The following XDH variants were observed in gnomAD, a reference collection of about 807,000 sequenced individuals.
The protein encoded by XDH is xanthine dehydrogenase/oxidase.
XDH carries 138 observed loss-of-function variants against 156.1 expected under a neutral mutation model. The ratio of observed to expected loss-of-function variants is 0.88; its 90% CI spans 0.77 to 1.02. XDH has a LOEUF of 1.02. XDH is among the 50% of genes least tolerant of loss of function. XDH has a pLI of 0.00. For synonymous variants in XDH, 669 were observed against 625.7 expected (o/e 1.07, Z -1.03); for missense variants, 1,849 against 1,684.9 (o/e 1.10, Z -1.71).
At chr2:31,361,444 T>C (rs1342584927) in intron 24 of XDH, among the ~76,000 whole-genome samples, 2 of 152,250 alleles carry the variant, frequency 1.3e-5, no homozygotes, top group Non-Finnish European at 2.9e-5. Flanking sequence ...ACTGTAACTT[T>C]GAAATCATAA....
intron 6 of XDH, among the ~76,000 whole-genome samples, chr2:31,396,082 G>T (rs560645403): frequency 5.1e-4 from 77 of 152,266 alleles, no homozygotes; most frequent in African/African-American, 1.8e-3. Context: ...AAGTAAAAAG[G>T]CTCTGAAGAA....
chr2:31,367,512 G>A (rs45517637), intron 20 of XDH, among the ~76,000 whole-genome samples: 5,468 of 152,250 alleles, frequency 0.036, 149 homozygotes, highest in South Asian at 0.09. Context: ...CCTGGGGTGG[G>A]AGCAATGGAT....
chr2:31,364,397 C>T (rs1650756401), intron 23 of XDH, among the ~76,000 whole-genome samples, 153 bp from the exon 24 acceptor site: 1 of 152,066 alleles, frequency 6.6e-6, no homozygotes, highest in South Asian at 2.1e-4. Context: ...TCAGAAGTCA[C>T]CAGAAGGTAA....
chr2:31,366,789 A>G (rs1685925255), intron 21 of XDH, 81 bp downstream of exon 21: 5 of 1,609,196 alleles, frequency 3.1e-6, no homozygotes, highest in Admixed American at 1.7e-5. Flanking sequence ...CCCTCTTCCT[A>G]TTTCCCACAT....
At chr2:31,353,811 C>T (rs1239197702) in intron 24 of XDH, among the ~76,000 whole-genome samples, 1 of 152,140 alleles carries the variant, frequency 6.6e-6, no homozygotes, top group South Asian at 2.1e-4. Flanking sequence ...TCAGTAGGAG[C>T]CCAGACTTCC....
chr2:31,398,457 C>T, intron 5 of XDH, 116 bp downstream of exon 5: 1 of 1,570,706 alleles, frequency 6.4e-7, no homozygotes, highest in Non-Finnish European at 8.7e-7. Context: ...TGTTGGGGGG[C>T]CTGAGCCCTT....
At chr2:31,396,363 T>C (rs982523499) in intron 6 of XDH, among the ~76,000 whole-genome samples, 9 of 152,160 alleles carry the variant, frequency 5.9e-5, no homozygotes, top group African/African-American at 1.9e-4. Flanking sequence ...ATGAAGTAAA[T>C]AGAGGCAAGA....
In XDH at chr2:31,403,143, C is replaced by A. The variant is rs1198618924; in HGVS notation, c.102G>T (p.Leu34Phe). ...TTLLAYLRRK[L>F]GLSGTKLGCG... is the part of the protein sequence containing the mutation. ...AGCCGAGCTTGGTTCCACTCAGCCC[C>A]ACTGGGTGGTCAAGAGTTAAGGAGA... Residue 34 changes from leucine to phenylalanine, a missense_variant and splice_region_variant, in exon 3 of 36, where the codon TTG becomes TTT. Leu to Phe is a conservative substitution (Grantham distance 22, BLOSUM62 0). Transcript: ENST00000379416. 1 of 1,614,106 alleles carries A rather than the reference C, an allele frequency of 6.2e-7. No individual in the cohort carries two copies.
chr2:31,372,117 A>C (rs1686089164), intron 17 of XDH, 111 bp downstream of exon 17: 1 of 1,534,696 alleles, frequency 6.5e-7, no homozygotes, highest in Non-Finnish European at 9.0e-7. Flanking sequence ...TCCTGGAGGC[A>C]CCTCATTATC....
At position 31,387,797 on chromosome 2, in the gene XDH, G is replaced by A. The variant is rs1463073222; in HGVS notation, c.651+14C>T. The A allele has an allele frequency of 1.3e-6, 2 of 1,570,626 alleles. No individual in the cohort carries two copies. Among genetic ancestry groups the A allele is most frequent in the Non-Finnish European group, 1.7e-6 (2 of 1,157,374 alleles). On this transcript the variant is annotated intron_variant, in intron 8 of 35. Transcript: ENST00000379416. The stretch of plus-strand genomic sequence containing the variant: ...TACAGACCCGGCTGGATCTGTCCCT[G>A]AGGCATCACCTACCAGCAACTCTGG...
chr2:31,345,844 G>T (rs1388830231), intron 30 of XDH, among the ~76,000 whole-genome samples: 2 of 152,154 alleles, frequency 1.3e-5, no homozygotes, highest in African/African-American at 4.8e-5. Flanking sequence ...AGATCCACAG[G>T]TCAGATGATA....
In XDH at chr2:31,348,934, A is replaced by C. The variant is rs1250299425; in HGVS notation, c.3016T>G (p.Phe1006Val). ...KRGLCIIPTK[F>V]GISFTVPFLN... is the part of the protein sequence containing the mutation. ...AAAGGAACTGTAAAGCTTATTCCAA[A>C]CTTGGTGGGAATTATGCACAATCCT... Residue 1006 changes from phenylalanine to valine, a missense_variant, in exon 27 of 36, where the codon TTT (phenylalanine) becomes GTT (valine). Physicochemically the swap from Phe to Val is conservative, Grantham distance 50 (BLOSUM62 -1). Coordinates refer to ENST00000379416, the MANE Select transcript of XDH (RefSeq NM_000379.4). The C allele has an allele frequency of 3.1e-6, 5 of 1,613,570 alleles. No individual in the cohort carries two copies. Among genetic ancestry groups the C allele is most frequent in the Non-Finnish European group, 4.2e-6 (5 of 1,179,430 alleles).
Position 31,401,222 on chromosome 2 carries a change from G to T in XDH, c.304C>A (p.Gln102Lys), listed in dbSNP as rs770273921. 1 of 1,614,064 alleles carries T rather than the reference G, an allele frequency of 6.2e-7. No individual in the cohort carries two copies. Among genetic ancestry groups the T allele is most frequent in the South Asian group, 1.1e-5 (1 of 91,064 alleles). Residue 102 changes from glutamine (Q) to lysine (K), a missense_variant and splice_region_variant, in exon 4 of 36, where the codon CAG becomes AAG. By Grantham distance (53) the Gln-to-Lys change is moderately conservative. Transcript: ENST00000379416. ...ACAGCTCCCTTTCCTCTGTTTACCT[G>T]CACAGGATGCAGCCTCGTCTTGGTG... is the stretch of plus-strand genomic sequence containing the variant. ...GSTKTRLHPV[Q>K]ERIAKSHGSQ...
At chr2:31,382,660 G>A (rs45539541) in intron 11 of XDH, among the ~76,000 whole-genome samples, 1 of 152,130 alleles carries the variant, frequency 6.6e-6, no homozygotes, top group African/African-American at 2.4e-5. Flanking sequence ...TTCACCTACT[G>A]TTTGGCTCAG....
Position 31,401,316 on chromosome 2 carries a change from G to T in XDH, c.210C>A (p.Ala70=). Residue 70 remains alanine (A), a synonymous_variant, in exon 4 of 36, where the codon GCC becomes GCA. Coordinates refer to ENST00000379416, the MANE Select transcript of XDH (RefSeq NM_000379.4). ...AGCAGATGGGGGCCAGGCAGGCATT[G>T]GCAGAAAAGTGGCTAGAACCCCAGA... ...RLQNKIVHFS[A]NACLAPICSL... The T allele has an allele frequency of 6.2e-7, 1 of 1,614,158 alleles. No individual in the cohort carries two copies. The highest frequency in any genetic ancestry group is 8.5e-7 in the Non-Finnish European group (1 of 1,180,022).
At chr2:31,363,624 T>C (rs1558686854) in intron 24 of XDH, among the ~76,000 whole-genome samples, 1 of 152,194 alleles carries the variant, frequency 6.6e-6, no homozygotes, top group Admixed American at 6.5e-5. Flanking sequence ...AAATTATACT[T>C]CAATGAAACC....
chr2:31,356,997 T>G (rs191178504), intron 24 of XDH, among the ~76,000 whole-genome samples: 5 of 151,964 alleles, frequency 3.3e-5, no homozygotes, highest in Non-Finnish European at 7.4e-5. Flanking sequence ...TAATTAGGGA[T>G]CAAAGAGAAG....
rs1260715665 is a variant in XDH at position 31,380,317 on chromosome 2, AC to A, written c.1133-342del. 3.4e-4 allele frequency among the ~76,000 whole-genome samples: 52 copies of A among 152,322 alleles called. 1 individual carries two copies. Among genetic ancestry groups the A allele is most frequent in the Admixed American group, 2.2e-3 (33 of 15,308 alleles). ...AAGGCAGGAAAGAGTTAGCACAGCA[AC>A]CCGGACTGCTGTCCTCTGTAGGGGT... On this transcript the variant is annotated intron_variant, in intron 12 of 35. Coordinates refer to ENST00000379416, the MANE Select transcript of XDH (RefSeq NM_000379.4).
At chr2:31,392,997 G>C (rs1686808276) in intron 6 of XDH, among the ~76,000 whole-genome samples, 1 of 152,160 alleles carries the variant, frequency 6.6e-6, no homozygotes, top group South Asian at 2.1e-4. Flanking sequence ...AGCAGACATT[G>C]TATGATCTCT....
Sources: gnomAD v4.1 joint callset for allele counts (sites outside exome capture counted in the v4.1 genomes callset) on GRCh38, gnomAD v4.1.1 for gene constraint, MANE v1.5 for transcripts, NCBI Gene and HGNC (gene_info 2026-07-23, HGNC 2026-07-21) for gene names.